ST18: variants seen among roughly 807,000 people sequenced by gnomAD.
ST18 encodes the protein ST18 C2H2C-type zinc finger transcription factor.
In ST18, 50 loss-of-function variants were observed where a neutral mutation model predicts 110.0. That is an observed-to-expected ratio of 0.45 (90% confidence interval 0.36 to 0.58). The LOEUF is 0.58. Among genes scored for constraint, ST18 ranks in the 20% least tolerant of loss-of-function variants. The pLI is 0.00. For synonymous variants in ST18, 461 were observed against 452.4 expected, an observed-to-expected ratio of 1.02 and a Z score of -0.24; for missense variants, 1,306 against 1,280.1, an observed-to-expected ratio of 1.02 and a Z score of -0.31.
At chr8:52,294,146 C>T (rs1053471173) in intron 2 of ST18, among the ~76,000 whole-genome samples, 8 of 152,216 alleles carry the variant, frequency 5.3e-5, no homozygotes, top group African/African-American at 1.4e-4. Flanking sequence ...AGAGCTTCCC[C>T]AGGGCCTCTG....
intron 2 of ST18, among the ~76,000 whole-genome samples, chr8:52,408,811 C>T (rs1845430401): frequency 6.6e-6 from 1 of 152,202 alleles, no homozygotes; most frequent in Non-Finnish European, 1.5e-5. Flanking sequence ...AGACATATAG[C>T]ATGCATATGT....
intron 8 of ST18, among the ~76,000 whole-genome samples, chr8:52,182,829 T>C (rs1396427900): frequency 2.0e-5 from 3 of 152,068 alleles, no homozygotes; most frequent in Non-Finnish European, 4.4e-5. Context: ...AGAGGAGATT[T>C]ATTTTTTGGC....
At chr8:52,310,756 G>A (rs1202131915) in intron 2 of ST18, among the ~76,000 whole-genome samples, 4 of 152,126 alleles carry the variant, frequency 2.6e-5, no homozygotes, top group Non-Finnish European at 4.4e-5. Flanking sequence ...AGAGAGAGGC[G>A]GTTGTCTTAG....
chr8:52,365,627 A>G (rs548279676), intron 2 of ST18, among the ~76,000 whole-genome samples: 2 of 152,092 alleles, frequency 1.3e-5, no homozygotes, highest in South Asian at 4.2e-4. Context: ...GTATACTATA[A>G]CACATCAATA....
intron 2 of ST18, among the ~76,000 whole-genome samples, chr8:52,320,119 G>A (rs1263548269): frequency 6.6e-6 from 1 of 152,132 alleles, no homozygotes; most frequent in African/African-American, 2.4e-5. Context: ...TATATATGTA[G>A]TATGTAAACA....
chr8:52,243,169 C>A (rs1174094262), intron 2 of ST18, among the ~76,000 whole-genome samples: 2 of 152,128 alleles, frequency 1.3e-5, no homozygotes, highest in East Asian at 3.9e-4. Flanking sequence ...ACATGTCTTA[C>A]AGAGGTATAA....
Position 52,126,071 on chromosome 8 carries a change from G to A in ST18, c.2736C>T (p.Ile912=), listed in dbSNP as rs1307540240. Residue 912 remains isoleucine (I), a synonymous_variant, in exon 23 of 26, where the codon ATC becomes ATT. Coordinates refer to ENST00000689386, the MANE Select transcript of ST18 (RefSeq NM_001352837.2). ...TCTTACCCCCAGTTGCTTTGAGCTT[G>A]ATGGTCATGAGTTCTTCAGAAACCT... ...KGKVSEELMT[I]KLKATGGIES... The A allele has an allele frequency of 1.9e-6, 3 of 1,614,014 alleles. No homozygotes were observed. Among genetic ancestry groups the A allele is most frequent in the Admixed American group, 1.7e-5 (1 of 59,992 alleles).
intron 22 of ST18, among the ~76,000 whole-genome samples, chr8:52,130,147 G>GAAAGAAAGAA (rs1343119969): frequency 8.0e-5 from 12 of 150,554 alleles, no homozygotes; most frequent in African/African-American, 2.7e-4. Flanking sequence ...AAGAAAGAAA[G>GAAAGAAAGAA]AAAGAAAGAA....
chr8:52,318,930 T>TG (rs1168471486), intron 2 of ST18, among the ~76,000 whole-genome samples: 2 of 95,576 alleles, frequency 2.1e-5, no homozygotes, highest in Admixed American at 1.1e-4. Context: ...TGTTGGAGGT[T>TG]GGGGGGTGGG....
At chr8:52,148,789 T>C (rs2058067622) in intron 16 of ST18, among the ~76,000 whole-genome samples, 2 of 152,126 alleles carry the variant, frequency 1.3e-5, no homozygotes, top group African/African-American at 2.4e-5. Context: ...ACTGTGTACG[T>C]TGACTTATAC....
At chr8:52,198,329 T>A (rs1216984278) in intron 8 of ST18, among the ~76,000 whole-genome samples, 1 of 152,230 alleles carries the variant, frequency 6.6e-6, no homozygotes. Context: ...ACTACTATCA[T>A]ACATGTCAAT....
At chr8:52,391,135 C>T in intron 2 of ST18, among the ~76,000 whole-genome samples, 1 of 152,194 alleles carries the variant, frequency 6.6e-6, no homozygotes, top group East Asian at 1.9e-4. Context: ...CTGCTTCCTC[C>T]CTGTCCTACC....
At chr8:52,304,873 G>C (rs993249730) in intron 2 of ST18, among the ~76,000 whole-genome samples, 1 of 152,148 alleles carries the variant, frequency 6.6e-6, no homozygotes, top group Admixed American at 6.5e-5. Context: ...TCTCTTACAA[G>C]AGCACTAATC....
At chr8:52,352,099 T>C (rs1023119272) in intron 2 of ST18, among the ~76,000 whole-genome samples, 1 of 152,164 alleles carries the variant, frequency 6.6e-6, no homozygotes, top group Non-Finnish European at 1.5e-5. Context: ...AAATGCAAAG[T>C]GTAGTCGATT....
chr8:52,312,636 G>A (rs1013087256), intron 2 of ST18, among the ~76,000 whole-genome samples: 7 of 152,190 alleles, frequency 4.6e-5, no homozygotes, highest in Non-Finnish European at 7.3e-5. Flanking sequence ...TATTGATGCA[G>A]TGAGTGCATT....
intron 3 of ST18, among the ~76,000 whole-genome samples, chr8:52,224,366 C>T (rs537707723): frequency 1.3e-5 from 2 of 152,288 alleles, no homozygotes; most frequent in South Asian, 4.1e-4. Context: ...TTATGTAAGC[C>T]TTTTGCCACT....
intron 2 of ST18, among the ~76,000 whole-genome samples, chr8:52,350,511 A>G (rs1819802125): frequency 1.3e-5 from 2 of 152,158 alleles, no homozygotes; most frequent in African/African-American, 2.4e-5. Context: ...AATGAGGTAC[A>G]GTCATCCTTC....
At chr8:52,160,093 T>C (rs1171608903) in intron 14 of ST18, among the ~76,000 whole-genome samples, 1 of 152,228 alleles carries the variant, frequency 6.6e-6, no homozygotes, top group Admixed American at 6.5e-5. Flanking sequence ...AAAATCAATG[T>C]CCGTACTATA....
rs1424186651 is a variant in ST18, at chr8:52,395,904, A to T, written c.-465+13424T>A. Among the ~76,000 whole-genome samples the T allele has an allele frequency of 2.0e-5, 3 of 152,212 alleles. No individual in the cohort carries two copies. In the East Asian group the frequency reaches 5.8e-4, roughly 29 times the overall value. On this transcript the variant is annotated intron_variant, in intron 2 of 25. Transcript: ENST00000689386. ...AACTTTTACAGAATTACTAAAAATGATATGTTTATGGAAATTGAAAAGCAT... is the reference window on the plus strand; with the variant it reads ...AACTTTTACAGAATTACTAAAAATGTTATGTTTATGGAAATTGAAAAGCAT...
Sources: allele counts gnomAD v4.1 joint callset (sites outside exome capture counted in the v4.1 genomes callset), GRCh38; gene constraint gnomAD v4.1.1; transcripts MANE v1.5; gene names NCBI Gene and HGNC (gene_info 2026-07-23, HGNC 2026-07-21).